Variants in ARL3 observed in about 807,000 individuals in gnomAD.
ARL3 encodes ADP-ribosylation factor-like protein 3.
Under a neutral mutation model 26.0 loss-of-function variants are expected in ARL3, and 9 were observed. The ratio of observed to expected loss-of-function variants is 0.35; its 90% CI spans 0.21 to 0.60. The LOEUF is 0.60. ARL3 is among the 20% of genes least tolerant of loss of function. ARL3 has a pLI of 0.78. For missense variants in ARL3, 158 were observed against 215.7 expected, an observed-to-expected ratio of 0.73 and a Z score of 1.67; for synonymous variants, 71 against 78.4, an observed-to-expected ratio of 0.91 and a Z score of 0.50.
At chr10:102,694,875 C>T (rs1029268229) in intron 3 of ARL3, among the ~76,000 whole-genome samples, 1 of 152,186 alleles carries the variant, frequency 6.6e-6, no homozygotes, top group Non-Finnish European at 1.5e-5. Context: ...CCTGCCACTA[C>T]ACCCGGCTAA....
At position 102,714,292 on chromosome 10, in the gene ARL3, T is replaced by C. The variant is rs1564735811; in HGVS notation, c.-17A>G. The stretch of plus-strand genomic sequence containing the variant: ...ACTCACCATCCTCCCGCCGAGTCCC[T>C]CCTCCTCCTCCTCCTCCTGCTGCCT... On this transcript the variant is annotated 5_prime_UTR_variant, in exon 1 of 6. Coordinates refer to ENST00000260746, the MANE Select transcript of ARL3 (RefSeq NM_004311.4). 1 of 939,616 alleles carries C rather than the reference T, an allele frequency of 1.1e-6. No homozygotes were observed. Among genetic ancestry groups the C allele is most frequent in the African/African-American group, 1.6e-5 (1 of 61,566 alleles). 58.2% of individuals were successfully genotyped at this position (939,616 alleles called of 1,614,324 possible).
At chr10:102,688,272 A>C (rs1468447680) in intron 4 of ARL3, among the ~76,000 whole-genome samples, 1 of 152,242 alleles carries the variant, frequency 6.6e-6, no homozygotes, top group African/African-American at 2.4e-5. Context: ...ATCAAGAGGC[A>C]GATGACTACA....
At chr10:102,681,537 C>T (rs1392578345) in intron 5 of ARL3, among the ~76,000 whole-genome samples, 2 of 152,148 alleles carry the variant, frequency 1.3e-5, no homozygotes, top group Non-Finnish European at 2.9e-5. Context: ...CAGCTCGGCG[C>T]TCGGACTGCT....
chr10:102,686,764 T>A (rs2064189168), intron 4 of ARL3, among the ~76,000 whole-genome samples: 1 of 151,558 alleles, frequency 6.6e-6, no homozygotes, highest in Non-Finnish European at 1.5e-5. Context: ...GTGCTCAGTC[T>A]GATTATCAAA....
At chr10:102,707,664 G>A (rs148734461) in intron 1 of ARL3, among the ~76,000 whole-genome samples, 3 of 152,286 alleles carry the variant, frequency 2.0e-5, no homozygotes, top group East Asian at 1.9e-4. Context: ...ACAATCATAC[G>A]CAAATATGCA....
chr10:102,686,131 G>A, intron 4 of ARL3, 130 bp from the exon 5 acceptor site: 1 of 741,974 alleles, frequency 1.3e-6, no homozygotes. Flanking sequence ...GAGTGCAATG[G>A]CGTGATCTCG....
intron 3 of ARL3, among the ~76,000 whole-genome samples, chr10:102,697,142 A>G (rs984266335): frequency 2.6e-5 from 4 of 152,054 alleles, no homozygotes; most frequent in Non-Finnish European, 5.9e-5. Context: ...TATGACAGCT[A>G]TGTCACTAGG....
At chr10:102,710,294 G>A (rs1356458380) in intron 1 of ARL3, among the ~76,000 whole-genome samples, 1 of 152,180 alleles carries the variant, frequency 6.6e-6, no homozygotes, top group Non-Finnish European at 1.5e-5. Flanking sequence ...ACTGAGGATG[G>A]GATCACAGGA....
At chr10:102,684,841 C>T (rs1207397386) in intron 5 of ARL3, among the ~76,000 whole-genome samples, 1 of 151,572 alleles carries the variant, frequency 6.6e-6, no homozygotes, top group Non-Finnish European at 1.5e-5. Flanking sequence ...GGGGGTTTCA[C>T]CATGTTGGCC....
chr10:102,675,326 TCA>T lies in ARL3; in HGVS notation c.*1566_*1567del, dbSNP rs2064124538. 1 of 152,320 alleles carries T rather than the reference TCA, an allele frequency of 6.6e-6. No individual in the cohort carries two copies. The highest frequency in any genetic ancestry group is 1.5e-5 in the Non-Finnish European group (1 of 68,102). 9.4% of individuals were successfully genotyped at this position (152,320 alleles called of 1,614,324 possible). On this transcript the variant is annotated 3_prime_UTR_variant, in exon 6 of 6. Coordinates refer to ENST00000260746, the MANE Select transcript of ARL3 (RefSeq NM_004311.4). ...GATCGCTTTTGAAGCTGGCTATGCC[TCA>T]GTCTCTGCTGCACTCTTAGCCAGAA...
At chr10:102,707,920 C>CA (rs1564734112) in intron 1 of ARL3, among the ~76,000 whole-genome samples, 1 of 151,474 alleles carries the variant, frequency 6.6e-6, no homozygotes, top group Non-Finnish European at 1.5e-5. Flanking sequence ...TTTCCTTTTT[C>CA]TTTTTTTTGG....
At chr10:102,677,701 A>G (rs776830334) in intron 5 of ARL3, among the ~76,000 whole-genome samples, 21 of 151,982 alleles carry the variant, frequency 1.4e-4, no homozygotes, top group Non-Finnish European at 2.8e-4. Flanking sequence ...CTCCTTCCCA[A>G]CCCCCTTTGG....
At chr10:102,678,906 T>C (rs1039694281) in intron 5 of ARL3, among the ~76,000 whole-genome samples, 2 of 152,160 alleles carry the variant, frequency 1.3e-5, no homozygotes, top group East Asian at 3.9e-4. Context: ...CCAGCAGTGG[T>C]GAAGCCCTTC....
chr10:102,709,877 A>G (rs966842670), intron 1 of ARL3, among the ~76,000 whole-genome samples: 7 of 152,146 alleles, frequency 4.6e-5, no homozygotes, highest in Admixed American at 4.6e-4. Flanking sequence ...TACTAAAAAT[A>G]CAAAAAATTG....
chr10:102,675,735 T>C lies in ARL3; in HGVS notation c.*1159A>G, dbSNP rs2064126908. On this transcript the variant is annotated 3_prime_UTR_variant, in exon 6 of 6. Coordinates refer to ENST00000260746, the MANE Select transcript of ARL3 (RefSeq NM_004311.4). ...CCCAGCAGCTGGGGTGACTCTTGAT[T>C]CCTTGGACACGACCCCTGCAGTCAC... 3 of 152,144 alleles carry C rather than the reference T, an allele frequency of 2.0e-5. No homozygotes were observed. Among genetic ancestry groups the C allele is most frequent in the Admixed American group, 2.0e-4 (3 of 15,262 alleles). The allele number at this position is 152,144 out of a possible 1,614,324, so 9.4% of individuals were successfully genotyped here. A position where few individuals can be genotyped will look rare whatever the true frequency, so the allele number is the denominator to read the frequency against.
rs998844896 is a variant in ARL3 at position 102,676,401 on chromosome 10, G to A, written c.*493C>T. 1.3e-5 allele frequency: 2 copies of A among 153,378 alleles called. No homozygotes were observed. The highest frequency in any genetic ancestry group is 4.8e-5 in the African/African-American group (2 of 41,390). 9.5% of individuals were successfully genotyped at this position (153,378 alleles called of 1,614,324 possible). Reference sequence around the variant, plus strand: ...TTCCTGTCGGACAGACTGAAGCCTGGCTGGGCTAGTGACGGTAAAAATCAC... The same window carrying A: ...TTCCTGTCGGACAGACTGAAGCCTGACTGGGCTAGTGACGGTAAAAATCAC... On this transcript the variant is annotated 3_prime_UTR_variant, in exon 6 of 6. Coordinates refer to ENST00000260746, the MANE Select transcript of ARL3 (RefSeq NM_004311.4).
chr10:102,677,064 G>A lies in ARL3; in HGVS notation c.502-123C>T, dbSNP rs1253781220. 3 of 1,129,630 alleles carry A rather than the reference G, an allele frequency of 2.7e-6. No individual in the cohort carries two copies. In the East Asian group the frequency reaches 7.3e-5, roughly 27 times the overall value. The allele number at this position is 1,129,630 out of a possible 1,614,324, so 70.0% of individuals were successfully genotyped here. A position where few individuals can be genotyped will look rare whatever the true frequency, so the allele number is the denominator to read the frequency against. ...CCTCCCAGACCGCCAGCTTTAGGGAGTTTGCTTGGCTCAGGGGCCCACCTG... is the reference window on the plus strand; with the variant it reads ...CCTCCCAGACCGCCAGCTTTAGGGAATTTGCTTGGCTCAGGGGCCCACCTG... On this transcript the variant is annotated intron_variant, in intron 5 of 5. Coordinates refer to ENST00000260746, the MANE Select transcript of ARL3 (RefSeq NM_004311.4).
chr10:102,697,406 T>G (rs1181629998), intron 3 of ARL3, among the ~76,000 whole-genome samples: 1 of 152,208 alleles, frequency 6.6e-6, no homozygotes, highest in Non-Finnish European at 1.5e-5. Context: ...CTTGAATTCC[T>G]GACCTCGTGA....
chr10:102,693,798 G>A (rs899910217), intron 3 of ARL3, among the ~76,000 whole-genome samples: 6 of 151,862 alleles, frequency 4.0e-5, no homozygotes, highest in African/African-American at 1.2e-4. Flanking sequence ...TCAGTCTCCC[G>A]AGTAGCTGGG....
Sources: allele counts gnomAD v4.1 joint callset (sites outside exome capture counted in the v4.1 genomes callset), GRCh38; gene constraint gnomAD v4.1.1; transcripts MANE v1.5; gene names NCBI Gene and HGNC (gene_info 2026-07-23, HGNC 2026-07-21).